COLGALT1: variants seen among roughly 807,000 people sequenced by gnomAD.
COLGALT1 encodes collagen beta(1-O)galactosyltransferase 1, also known as procollagen galactosyltransferase 1.
In COLGALT1, 43 loss-of-function variants were observed where a neutral mutation model predicts 60.8. That is an observed-to-expected ratio of 0.71 (90% CI 0.55 to 0.91). The LOEUF is 0.91. Among genes scored for constraint, COLGALT1 ranks in the 40% least tolerant of loss-of-function variants. The pLI is 0.00. For missense variants in COLGALT1, 845 were observed against 880.0 expected (o/e 0.96, Z 0.50); for synonymous variants, 369 against 374.2 (o/e 0.99, Z 0.16).
At position 17,568,571 on chromosome 19, in the gene COLGALT1, T is replaced by G. The variant is rs1170711491; in HGVS notation, c.687T>G (p.Phe229Leu). The G allele has an allele frequency of 3.1e-6, 5 of 1,614,212 alleles. No homozygotes were observed. The East Asian group carries it at 1.1e-4, about 36-fold the overall frequency. ...PIRKRDRRGC[F>L]AVPMVHSTFL... ...GCAAGCGAGACCGCCGGGGCTGCTT[T>G]GCAGTTCCCATGGTGCACTCGACCT... is the stretch of plus-strand genomic sequence containing the variant. Residue 229 changes from phenylalanine (F) to leucine (L), a missense_variant, in exon 5 of 12, where the codon TTT (phenylalanine) becomes TTG (leucine). Physicochemically the swap from Phe to Leu is conservative, Grantham distance 22. Transcript: ENST00000252599.
chr19:17,577,751 C>T (rs2076353277), intron 8 of COLGALT1, among the ~76,000 whole-genome samples: 1 of 151,978 alleles, frequency 6.6e-6, no homozygotes, highest in South Asian at 2.1e-4. Context: ...GTAAGTCAGT[C>T]AGACCCCAGG....
At chr19:17,563,838 G>C (rs2076263865) in intron 3 of COLGALT1, among the ~76,000 whole-genome samples, 1 of 152,082 alleles carries the variant, frequency 6.6e-6, no homozygotes, top group African/African-American at 2.4e-5. Flanking sequence ...ACCCATATTG[G>C]AATGTGAAAT....
chr19:17,577,862 C>G lies in COLGALT1; in HGVS notation c.1134-95C>G, dbSNP rs150317977. Reference sequence around the variant, plus strand: ...GCCAGTGCTACAAGAGGTGGACCAGCTGCTCAACGCCGCAGGGGGTGGTGG... The same window carrying G: ...GCCAGTGCTACAAGAGGTGGACCAGGTGCTCAACGCCGCAGGGGGTGGTGG... On this transcript the variant is annotated intron_variant, in intron 8 of 11. Transcript: ENST00000252599. 5 of 1,498,312 alleles carry G rather than the reference C, an allele frequency of 3.3e-6. No individual in the cohort carries two copies. The African/African-American group carries it at 5.5e-5, about 17-fold the overall frequency. The allele number at this position is 1,498,312 out of a possible 1,614,324, so 92.8% of individuals were successfully genotyped here. A position where few individuals can be genotyped will look rare whatever the true frequency, so the allele number is the denominator to read the frequency against.
At position 17,581,877 on chromosome 19, in the gene COLGALT1, A is replaced by G. The variant is rs2076384912; in HGVS notation, c.*433A>G. The G allele has an allele frequency of 1.1e-5, 2 of 176,968 alleles. No individual in the cohort carries two copies. Among genetic ancestry groups the G allele is most frequent in the Non-Finnish European group, 1.2e-5 (1 of 82,332 alleles). The allele number at this position is 176,968 out of a possible 1,614,324, so 11.0% of individuals were successfully genotyped here. A position where few individuals can be genotyped will look rare whatever the true frequency, so the allele number is the denominator to read the frequency against. ...TCATTCAAGGATTTATTGAGTGCCTACTGTGTGTTGGGTGCCATTCCAGGC... is the reference window on the plus strand; with the variant it reads ...TCATTCAAGGATTTATTGAGTGCCTGCTGTGTGTTGGGTGCCATTCCAGGC... On this transcript the variant is annotated 3_prime_UTR_variant, in exon 12 of 12. Coordinates refer to ENST00000252599, the MANE Select transcript of COLGALT1 (RefSeq NM_024656.4).
chr19:17,567,626 G>A (rs1017589550), intron 4 of COLGALT1, 86 bp downstream of exon 4: 54 of 1,447,548 alleles, frequency 3.7e-5, no homozygotes, highest in East Asian at 3.0e-4. Flanking sequence ...ACACAACCTC[G>A]TGGTGTGTGT....
rs1458426889 is a variant in COLGALT1, at chr19:17,567,203, G to T, written c.490-203G>T. ...TCAGTGCCTAGAATTTTCTTTGAAG[G>T]AACTGAAGACCTTTGCTTTATTTCC... is the stretch of plus-strand genomic sequence containing the variant. On this transcript the variant is annotated intron_variant, in intron 3 of 11. Transcript: ENST00000252599. 2.6e-5 allele frequency among the ~76,000 whole-genome samples: 4 copies of T among 152,362 alleles called. No individual in the cohort carries two copies. The East Asian group carries it at 7.7e-4, about 29-fold the overall frequency.
rs368679864 is a variant in COLGALT1, at chr19:17,576,722, G to A, written c.950-473G>A. ...GAAGTTGGAGCCTGGGGCATGGCCAGGGCTTAGAGGCAAGGCTGGGGGAGG... is the reference window on the plus strand; with the variant it reads ...GAAGTTGGAGCCTGGGGCATGGCCAAGGCTTAGAGGCAAGGCTGGGGGAGG... On this transcript the variant is annotated intron_variant, in intron 6 of 11. Coordinates refer to ENST00000252599, the MANE Select transcript of COLGALT1 (RefSeq NM_024656.4). Among the ~76,000 whole-genome samples the A allele has an allele frequency of 5.3e-5, 8 of 150,732 alleles. No individual in the cohort carries two copies. The East Asian group carries it at 1.6e-3, about 30-fold the overall frequency.
chr19:17,576,917 G>C (rs1226352629), intron 6 of COLGALT1, among the ~76,000 whole-genome samples: 1 of 135,506 alleles, frequency 7.4e-6, no homozygotes. Context: ...CCTTGGGCGC[G>C]GTGAAGCTGG....
Position 17,577,976 on chromosome 19 carries a change from G to C in COLGALT1, c.1153G>C (p.Val385Leu). The C allele has an allele frequency of 6.2e-7, 1 of 1,611,030 alleles. No individual in the cohort carries two copies. Among genetic ancestry groups the C allele is most frequent in the Non-Finnish European group, 8.5e-7 (1 of 1,179,098 alleles). ...CTCCAGAGCCATGAACACCAGCCAG[G>C]TGGAGGCGCTGGGGATCCAGATGCT... is the stretch of plus-strand genomic sequence containing the variant. Reference protein sequence around the residue: ...VDGKAMNTSQVEALGIQMLPG... With the variant: ...VDGKAMNTSQLEALGIQMLPG... Residue 385 changes from valine (V) to leucine (L), a missense_variant, in exon 9 of 12, where the codon GTG (valine) becomes CTG (leucine). Coordinates refer to ENST00000252599, the MANE Select transcript of COLGALT1 (RefSeq NM_024656.4).
intron 3 of COLGALT1, among the ~76,000 whole-genome samples, chr19:17,564,222 T>C (rs1297455787): frequency 6.6e-6 from 1 of 151,988 alleles, no homozygotes; most frequent in African/African-American, 2.4e-5. Context: ...TACTCCAGCT[T>C]GGGTGACAGA....
At chr19:17,562,626 C>T (rs148964005) in intron 3 of COLGALT1, among the ~76,000 whole-genome samples, 187 of 151,654 alleles carry the variant, frequency 1.2e-3, no homozygotes, top group African/African-American at 3.7e-3. Context: ...TGCACCACTG[C>T]GCTCCAGCCT....
chr19:17,556,427 G>A (rs1475500939), intron 1 of COLGALT1: 7 of 471,098 alleles, frequency 1.5e-5, no homozygotes, highest in African/African-American at 1.1e-4. Context: ...TTTCTGTGCC[G>A]GCTGCTGCCC....
At position 17,577,241 on chromosome 19, in the gene COLGALT1, C is replaced by T; in HGVS notation, c.996C>T (p.Thr332=). 1 of 1,613,262 alleles carries T rather than the reference C, an allele frequency of 6.2e-7. No individual in the cohort carries two copies. Among genetic ancestry groups the T allele is most frequent in the Non-Finnish European group, 8.5e-7 (1 of 1,179,676 alleles). Reference sequence around the variant, plus strand: ...CCTCCCGCTTCATCTCGGCTCCCACCAAGACACCGGACAAGATGGGCTTCG... The same window carrying T: ...CCTCCCGCTTCATCTCGGCTCCCACTAAGACACCGGACAAGATGGGCTTCG... ...AEPSRFISAP[T]KTPDKMGFDE... is the part of the protein sequence containing the mutation. The change falls in exon 7 of 12, where the codon ACC becomes ACT. Residue 332 remains threonine (T), a synonymous_variant. Coordinates refer to ENST00000252599, the MANE Select transcript of COLGALT1 (RefSeq NM_024656.4).
chr19:17,568,333 T>C (rs555222482), intron 4 of COLGALT1, among the ~76,000 whole-genome samples, 176 bp from the exon 5 acceptor site: 11 of 152,312 alleles, frequency 7.2e-5, no homozygotes, highest in African/African-American at 1.2e-4. Flanking sequence ...CTCTTTCTTA[T>C]TGGCCATGCC....
intron 6 of COLGALT1, among the ~76,000 whole-genome samples, chr19:17,575,741 T>C (rs893114679): frequency 3.3e-5 from 5 of 152,042 alleles, no homozygotes; most frequent in African/African-American, 1.2e-4. Context: ...AGTGTCACCA[T>C]CATAGCTCGC....
chr19:17,580,829 C>T lies in COLGALT1; in HGVS notation c.1525C>T (p.Leu509=). 6.2e-7 allele frequency: 1 copy of T among 1,614,056 alleles called. No homozygotes were observed. The highest frequency in any genetic ancestry group is 8.5e-7 in the Non-Finnish European group (1 of 1,180,012). The change falls in exon 11 of 12, where the codon CTG becomes TTG. Residue 509 remains leucine, a synonymous_variant. Coordinates refer to ENST00000252599, the MANE Select transcript of COLGALT1 (RefSeq NM_024656.4). ...GATCTCCCTGCAAGGCGCCCGCAAACTGCTGGCTGCTGAGCCGCTCTCCAA... is the reference window on the plus strand; with the variant it reads ...GATCTCCCTGCAAGGCGCCCGCAAATTGCTGGCTGCTGAGCCGCTCTCCAA... ...YVISLQGARK[L]LAAEPLSKML...
In COLGALT1 at chr19:17,568,504, C is replaced by T. The variant is rs1188736544; in HGVS notation, c.625-5C>T. 1.9e-6 allele frequency: 3 copies of T among 1,613,478 alleles called. No individual in the cohort carries two copies. The highest frequency in any genetic ancestry group is 1.7e-6 in the Non-Finnish European group (2 of 1,179,454). ...CTACGCGGAACTCTCGCTCTCTCCC[C>T]ACAGGGCTACTACAAGCGCACACCT... On this transcript the variant is annotated splice_polypyrimidine_tract_variant and splice_region_variant and intron_variant, in intron 4 of 11. Coordinates refer to ENST00000252599, the MANE Select transcript of COLGALT1 (RefSeq NM_024656.4).
At chr19:17,560,720 G>T (rs1379735354) in intron 3 of COLGALT1, among the ~76,000 whole-genome samples, 3 of 151,970 alleles carry the variant, frequency 2.0e-5, no homozygotes, top group Non-Finnish European at 4.4e-5. Flanking sequence ...GGACACTTGG[G>T]TCAAGTCCAT....
chr19:17,579,627 G>A lies in COLGALT1; in HGVS notation c.1394+18G>A, dbSNP rs774422114. The A allele has an allele frequency of 6.6e-7, 1 of 1,506,852 alleles. No homozygotes were observed. Among genetic ancestry groups the A allele is most frequent in the Non-Finnish European group, 9.0e-7 (1 of 1,110,558 alleles). 93.3% of individuals were successfully genotyped at this position (1,506,852 alleles called of 1,614,324 possible). A position where few individuals can be genotyped will look rare whatever the true frequency, so the allele number is the denominator to read the frequency against. ...GACCTCATGTGAGTGGGGGTCTGAG[G>A]ATGGGGTGAAGCTGGGGCCTGGGGC... On this transcript the variant is annotated intron_variant, in intron 10 of 11. Coordinates refer to ENST00000252599, the MANE Select transcript of COLGALT1 (RefSeq NM_024656.4).
Sources: allele counts gnomAD v4.1 joint callset (sites outside exome capture counted in the v4.1 genomes callset), GRCh38; gene constraint gnomAD v4.1.1; transcripts MANE v1.5; gene names NCBI Gene and HGNC (gene_info 2026-07-23, HGNC 2026-07-21).